INTS6: variants seen among roughly 807,000 people sequenced by gnomAD.
INTS6 encodes the protein DEAD box protein.
Under a neutral mutation model 104.9 loss-of-function variants are expected in INTS6, and 16 were observed. The observed-to-expected ratio is 0.15, with a 90% CI of 0.10 to 0.23. The LOEUF (loss-of-function observed/expected upper bound fraction) is 0.23, where lower values mean the gene tolerates loss of function less well. Among genes scored for constraint, INTS6 ranks in the 10% least tolerant of loss-of-function variants. INTS6 has a pLI of 1.00. For synonymous variants in INTS6, 324 were observed against 358.7 expected (o/e 0.90, Z 1.09); for missense variants, 584 against 1,062.8 (o/e 0.55, Z 6.26).
At chr13:51,359,514 GA>G (rs1003726408), downstream of INTS6, among the ~76,000 whole-genome samples, 1 of 152,090 alleles carries the variant, frequency 6.6e-6, no homozygotes, top group Admixed American at 6.6e-5. Flanking sequence ...CTGTTTAAAT[GA>G]AACTCTTCAG....
chr13:51,377,208 T>C (rs1179207202), intron 12 of INTS6, among the ~76,000 whole-genome samples: 1 of 152,178 alleles, frequency 6.6e-6, no homozygotes. Flanking sequence ...GTTCAAATAT[T>C]TTGCCCATGT....
At chr13:51,358,124 A>ACT (rs1238478896), downstream of INTS6, among the ~76,000 whole-genome samples, 1 of 151,370 alleles carries the variant, frequency 6.6e-6, no homozygotes. Context: ...TCTTCTTAGC[A>ACT]CTCTCTCTCC....
chr13:51,375,279 G>T lies in INTS6; in HGVS notation c.1730-483C>A, dbSNP rs367931201. Among the ~76,000 whole-genome samples, 313 of 148,496 alleles carry T rather than the reference G, an allele frequency of 2.1e-3. 2 individuals are homozygous for T. Among genetic ancestry groups the T allele is most frequent in the South Asian group, 7.1e-3 (33 of 4,678 alleles). On this transcript the variant is annotated intron_variant, in intron 13 of 17. Coordinates refer to ENST00000311234, the MANE Select transcript of INTS6 (RefSeq NM_012141.3). ...AAGGAGGAGAATCGCTTGAACCCAG[G>T]ATGCGGAGGTTGCAGTGAGCCGAGA...
intron 4 of INTS6, among the ~76,000 whole-genome samples, chr13:51,429,621 A>G (rs1957047642): frequency 6.6e-6 from 1 of 151,548 alleles, no homozygotes; most frequent in Admixed American, 6.6e-5. Flanking sequence ...AAAATTAGCC[A>G]GACATGGTGG....
chr13:51,374,302 A>T lies in INTS6; in HGVS notation c.2010T>A (p.Asn670Lys), dbSNP rs943206460. The change falls in exon 15 of 18, where the codon AAT becomes AAA. Residue 670 changes from asparagine (N) to lysine (K), a missense_variant. By Grantham distance (94) the Asn-to-Lys change is moderately conservative (BLOSUM62 0). Coordinates refer to ENST00000311234, the MANE Select transcript of INTS6 (RefSeq NM_012141.3). Reference sequence around the variant, plus strand: ...CCCCAATATGATTGTTTACAACAGGATTCTGCTGTCTGCCTCTTAGTAGTG... The same window carrying T: ...CCCCAATATGATTGTTTACAACAGGTTTCTGCTGTCTGCCTCTTAGTAGTG... ...MSPLLRGRQQ[N>K]PVVNNHIGGK... 6.2e-7 allele frequency: 1 copy of T among 1,613,972 alleles called. No individual in the cohort carries two copies. The highest frequency in any genetic ancestry group is 8.5e-7 in the Non-Finnish European group (1 of 1,179,976).
chr13:51,414,824 GTTC>G (rs1410204510), intron 4 of INTS6, among the ~76,000 whole-genome samples: 29 of 126,036 alleles, frequency 2.3e-4, no homozygotes, highest in African/African-American at 8.9e-4. Context: ...TATGTATGTA[GTTC>G]TTCTATACAC....
At chr13:51,399,394 A>G (rs1269207127) in intron 4 of INTS6, among the ~76,000 whole-genome samples, 1 of 152,114 alleles carries the variant, frequency 6.6e-6, no homozygotes, top group African/African-American at 2.4e-5. Flanking sequence ...TTTTGTAGAG[A>G]AGGGATCTTC....
At chr13:51,449,130 A>G (rs1952983155) in intron 3 of INTS6, 1 of 152,208 alleles carries the variant, frequency 6.6e-6, no homozygotes, top group African/African-American at 2.4e-5. Flanking sequence ...ATTTGAAAAC[A>G]GTGGCTTATT....
intron 3 of INTS6, chr13:51,449,898 T>C: frequency 1.0e-6 from 1 of 985,208 alleles, no homozygotes; most frequent in Non-Finnish European, 1.2e-6. Context: ...TTCAATTTGG[T>C]AAGCTCACTC....
intron 6 of INTS6, among the ~76,000 whole-genome samples, chr13:51,388,980 G>A (rs1421898713): frequency 6.6e-6 from 1 of 152,190 alleles, no homozygotes; most frequent in Non-Finnish European, 1.5e-5. Context: ...TGAACACTTT[G>A]GGAATTAAAG....
chr13:51,437,481 C>T (rs1041128933), intron 3 of INTS6: 5 of 151,984 alleles, frequency 3.3e-5, no homozygotes, highest in African/African-American at 9.7e-5. Context: ...TTCACACACA[C>T]AACTGTCCTA....
At position 51,363,630 on chromosome 13, in the gene INTS6, C is replaced by T. The variant is rs1040316438; in HGVS notation, c.*2122G>A. 1.3e-5 allele frequency: 2 copies of T among 152,044 alleles called. No homozygotes were observed. The highest frequency in any genetic ancestry group is 1.5e-5 in the Non-Finnish European group (1 of 67,900). The allele number at this position is 152,044 out of a possible 1,614,324, so 9.4% of individuals were successfully genotyped here. On this transcript the variant is annotated 3_prime_UTR_variant, in exon 18 of 18. Coordinates refer to ENST00000311234, the MANE Select transcript of INTS6 (RefSeq NM_012141.3). The stretch of plus-strand genomic sequence containing the variant: ...GTTTCCCCTAGATGTATTTCCCTTC[C>T]CCTTTGACAATAATTCTACAACAAG...
chr13:51,437,369 C>T (rs1952710332), intron 3 of INTS6: 2 of 151,980 alleles, frequency 1.3e-5, no homozygotes, highest in African/African-American at 2.4e-5. Context: ...AATACTATCA[C>T]AAGCAGACCT....
chr13:51,430,528 A>T (rs1957072159), intron 3 of INTS6, 145 bp from the exon 4 acceptor site: 1 of 546,000 alleles, frequency 1.8e-6, no homozygotes, highest in Non-Finnish European at 3.2e-6. Context: ...CATTTTAAGA[A>T]AAGATATAGA....
intron 4 of INTS6, among the ~76,000 whole-genome samples, chr13:51,418,797 A>C (rs1333292086): frequency 6.6e-6 from 1 of 152,206 alleles, no homozygotes; most frequent in African/African-American, 2.4e-5. Context: ...ACAAATTGCA[A>C]AGGTAAAGTC....
chr13:51,387,778 C>T (rs979507409), intron 6 of INTS6, among the ~76,000 whole-genome samples: 7 of 152,030 alleles, frequency 4.6e-5, no homozygotes, highest in East Asian at 1.9e-4. Context: ...AAAGGAGGTC[C>T]GCAGCATCCT....
In INTS6 at chr13:51,361,894, GTATTACAGTA is replaced by G; in HGVS notation, c.*3848_*3857del. 2 of 1,611,478 alleles carry G rather than the reference GTATTACAGTA, an allele frequency of 1.2e-6. No homozygotes were observed. The highest frequency in any genetic ancestry group is 1.7e-6 in the Non-Finnish European group (2 of 1,178,412). On this transcript the variant is annotated 3_prime_UTR_variant, in exon 18 of 18. Transcript: ENST00000311234. ...TATTTCCTGAGAGAACCTAACACAGGTATTACAGTATTTTTTGACAGGATTCAGATAATTT... is the reference window on the plus strand; with the variant it reads ...TATTTCCTGAGAGAACCTAACACAGGTTTTTTGACAGGATTCAGATAATTT...
downstream of INTS6, among the ~76,000 whole-genome samples, chr13:51,357,599 T>C (rs1955499410): frequency 6.6e-6 from 1 of 152,120 alleles, no homozygotes; most frequent in Non-Finnish European, 1.5e-5. Context: ...TGGCATCAAA[T>C]ATTTTTTTTG....
rs1420827420 is a variant in INTS6 at position 51,364,274 on chromosome 13, C to T, written c.*1478G>A. ...CAGTATTGGGAGAGTTTCAAATCCC[C>T]TAGACTAAATGCATGTTCTCCACTT... On this transcript the variant is annotated 3_prime_UTR_variant, in exon 18 of 18. Coordinates refer to ENST00000311234, the MANE Select transcript of INTS6 (RefSeq NM_012141.3). The T allele has an allele frequency of 6.8e-7, 1 of 1,476,578 alleles. No individual in the cohort carries two copies. The highest frequency in any genetic ancestry group is 1.4e-5 in the African/African-American group (1 of 71,324). 91.5% of individuals were successfully genotyped at this position (1,476,578 alleles called of 1,614,324 possible).
Sources: allele counts gnomAD v4.1 joint callset (sites outside exome capture counted in the v4.1 genomes callset), GRCh38; gene constraint gnomAD v4.1.1; transcripts MANE v1.5; gene names NCBI Gene and HGNC (gene_info 2026-07-23, HGNC 2026-07-21).